The following TMX4 variants were observed in gnomAD, a reference collection of about 807,000 sequenced individuals.
The protein encoded by TMX4 is thioredoxin related transmembrane protein 4.
Under a neutral mutation model 33.3 loss-of-function variants are expected in TMX4, and 23 were observed. That is an observed-to-expected ratio of 0.69 (90% CI 0.50 to 0.98). The LOEUF (loss-of-function observed/expected upper bound fraction) is 0.98. TMX4 is among the 50% of genes least tolerant of loss of function. TMX4 has a pLI of 0.00. For synonymous variants in TMX4, 164 were observed against 161.5 expected, an observed-to-expected ratio of 1.02 and a Z score of -0.12; for missense variants, 399 against 448.9, an observed-to-expected ratio of 0.89 and a Z score of 1.01.
At chr20:7,986,098 G>A (rs991120372) in intron 6 of TMX4, among the ~76,000 whole-genome samples, 4 of 152,160 alleles carry the variant, frequency 2.6e-5, no homozygotes, top group Non-Finnish European at 5.9e-5. Context: ...CAACAGATGG[G>A]AGAAGCACAG....
intron 1 of TMX4, among the ~76,000 whole-genome samples, chr20:8,011,577 A>AT (rs1323378019): frequency 6.6e-6 from 1 of 152,142 alleles, no homozygotes; most frequent in Non-Finnish European, 1.5e-5. Flanking sequence ...CTTTCGCATT[A>AT]TAAAAGATGA....
At chr20:7,999,940 G>A in intron 3 of TMX4, 80 bp from the exon 4 acceptor site, 2 of 1,459,970 alleles carry the variant, frequency 1.4e-6, no homozygotes, top group African/African-American at 1.4e-5. Flanking sequence ...AATAGCTACT[G>A]GTGATACATC....
chr20:8,011,382 A>C (rs554691397), intron 1 of TMX4, among the ~76,000 whole-genome samples: 1 of 152,204 alleles, frequency 6.6e-6, no homozygotes, highest in African/African-American at 2.4e-5. Context: ...CAAATCCTGT[A>C]ACAAGATTTA....
Position 7,999,776 on chromosome 20 carries a change from T to C in TMX4, c.423A>G (p.Gln141=). The change falls in exon 4 of 8, where the codon CAA becomes CAG. Residue 141 remains glutamine (Q), a synonymous_variant. Coordinates refer to ENST00000246024, the MANE Select transcript of TMX4 (RefSeq NM_021156.4). The stretch of plus-strand genomic sequence containing the variant: ...TCCAGCCAGTCAGAGGCTCGACTGA[T>C]TGCCATTTCTTCTCTAAGATATAAT... The part of the protein sequence containing the change: ...LQNYILEKKW[Q]SVEPLTGWKS... The C allele has an allele frequency of 1.2e-6, 2 of 1,613,648 alleles. No individual in the cohort carries two copies. The highest frequency in any genetic ancestry group is 1.3e-5 in the African/African-American group (1 of 74,998).
chr20:8,005,486 G>GCC (rs1408872350), intron 2 of TMX4, among the ~76,000 whole-genome samples: 2 of 152,182 alleles, frequency 1.3e-5, no homozygotes, highest in Admixed American at 1.3e-4. Context: ...GGAAAGATGG[G>GCC]CCCCTGGAGA....
chr20:8,005,803 T>TG (rs934270585), intron 2 of TMX4, among the ~76,000 whole-genome samples: 2 of 152,128 alleles, frequency 1.3e-5, no homozygotes, highest in African/African-American at 4.8e-5. Context: ...CCAGGGTAGT[T>TG]GGAGGACAGC....
intron 2 of TMX4, among the ~76,000 whole-genome samples, chr20:8,008,189 G>C (rs2050738406): frequency 1.3e-5 from 2 of 152,044 alleles, no homozygotes; most frequent in African/African-American, 4.8e-5. Flanking sequence ...CATGCATGTA[G>C]AAGTTTATCT....
At chr20:7,994,432 C>T (rs897179093) in intron 5 of TMX4, among the ~76,000 whole-genome samples, 2 of 152,168 alleles carry the variant, frequency 1.3e-5, no homozygotes, top group Admixed American at 6.5e-5. Flanking sequence ...CTAAATGTTA[C>T]ACATTGTAAT....
At chr20:7,984,779 T>C (rs546728747) in intron 6 of TMX4, among the ~76,000 whole-genome samples, 28 of 152,248 alleles carry the variant, frequency 1.8e-4, no homozygotes, top group Non-Finnish European at 3.1e-4. Context: ...TGGAAAATTG[T>C]ACACTCAACA....
chr20:8,006,417 C>T (rs555353646), intron 2 of TMX4, among the ~76,000 whole-genome samples: 1 of 152,230 alleles, frequency 6.6e-6, no homozygotes, highest in East Asian at 1.9e-4. Flanking sequence ...TGAAATTATT[C>T]CTTACTAGCA....
chr20:7,982,553 C>G lies in TMX4; in HGVS notation c.748G>C (p.Asp250His). The G allele has an allele frequency of 6.2e-7, 1 of 1,613,964 alleles. No individual in the cohort carries two copies. Among genetic ancestry groups the G allele is most frequent in the Non-Finnish European group, 8.5e-7 (1 of 1,179,964 alleles). The change falls in exon 8 of 8, where the codon GAT (aspartate) becomes CAT (histidine). Residue 250 changes from aspartate (D) to histidine (H), a missense_variant. Physicochemically the swap from Asp to His is moderately conservative, Grantham distance 81. Coordinates refer to ENST00000246024, the MANE Select transcript of TMX4 (RefSeq NM_021156.4). ...TCTTTGTTTTCTTCTTCATTTGAAT[C>G]ATCTTTTTCCTCCTCCGCATCCTGC... is the stretch of plus-strand genomic sequence containing the variant. The part of the protein sequence containing the change: ...QLQDAEEEKD[D>H]SNEEENKDSL...
At chr20:8,010,529 A>G (rs1179553359) in intron 1 of TMX4, among the ~76,000 whole-genome samples, 1 of 152,168 alleles carries the variant, frequency 6.6e-6, no homozygotes, top group Non-Finnish European at 1.5e-5. Context: ...AAATTTGGCC[A>G]AAGTTTGAGA....
rs1389787817 is a variant in TMX4 at position 8,019,671 on chromosome 20, C to T, written c.-58G>A. On this transcript the variant is annotated 5_prime_UTR_variant, in exon 1 of 8. Transcript: ENST00000246024. ...GTGTGGGGAAGGGCAGCGGCCGGCC[C>T]GCAGCCTCGCTCGCCCGCCGGGTTT... The T allele has an allele frequency of 2.4e-6, 3 of 1,261,910 alleles. No homozygotes were observed. The highest frequency in any genetic ancestry group is 3.0e-4 in the Middle Eastern group (1 of 3,376). The allele number at this position is 1,261,910 out of a possible 1,614,324, so 78.2% of individuals were successfully genotyped here.
intron 3 of TMX4, among the ~76,000 whole-genome samples, chr20:8,000,280 C>T (rs1011697484): frequency 6.6e-6 from 1 of 152,246 alleles, no homozygotes. Flanking sequence ...CGTCATACCC[C>T]CCTTCAACCT....
At chr20:7,987,467 GT>G (rs1220894770) in intron 5 of TMX4, 78 bp from the exon 6 acceptor site, 10 of 996,850 alleles carry the variant, frequency 1.0e-5, no homozygotes, top group Non-Finnish European at 8.7e-6. Context: ...TCTAGCTGTT[GT>G]TTCTACATAC....
chr20:8,018,854 A>G (rs890594049), intron 1 of TMX4: 2 of 262,650 alleles, frequency 7.6e-6, no homozygotes, highest in Non-Finnish European at 1.5e-5. Flanking sequence ...TTTAAAAGGC[A>G]TCCATATTTA....
chr20:7,996,113 T>C (rs1347486956), intron 4 of TMX4, 42 bp from the exon 5 acceptor site: 10 of 1,526,066 alleles, frequency 6.6e-6, no homozygotes, highest in Non-Finnish European at 9.0e-6. Flanking sequence ...TCATATATAC[T>C]ATAAAAAAAA....
At chr20:8,019,139 G>A (rs933996112) in intron 1 of TMX4, 5 of 491,168 alleles carry the variant, frequency 1.0e-5, no homozygotes, top group Non-Finnish European at 1.9e-5. Flanking sequence ...CCAAAGCAAG[G>A]GGACGCGCTG....
At chr20:8,017,897 C>T (rs1449377771) in intron 1 of TMX4, among the ~76,000 whole-genome samples, 1 of 152,140 alleles carries the variant, frequency 6.6e-6, no homozygotes, top group Non-Finnish European at 1.5e-5. Context: ...CTACAGTTCC[C>T]TTTAATAATT....
Sources: allele counts gnomAD v4.1 joint callset (sites outside exome capture counted in the v4.1 genomes callset), GRCh38; gene constraint gnomAD v4.1.1; transcripts MANE v1.5; gene names NCBI Gene and HGNC (gene_info 2026-07-23, HGNC 2026-07-21).